The following DGKE variants were observed in gnomAD, a reference collection of about 807,000 sequenced individuals.
DGKE encodes DAG kinase epsilon.
In DGKE, 53 loss-of-function variants were observed where a neutral mutation model predicts 70.0. The observed-to-expected ratio is 0.76, with a 90% CI of 0.61 to 0.95. The LOEUF is 0.95. DGKE is among the 40% of genes least tolerant of loss of function. DGKE has a pLI of 0.00. For synonymous variants in DGKE, 291 were observed against 257.0 expected (o/e 1.13, Z -1.27); for missense variants, 655 against 706.9 (o/e 0.93, Z 0.83).
intron 7 of DGKE, among the ~76,000 whole-genome samples, chr17:56,853,202 G>A (rs186376954): frequency 3.9e-5 from 6 of 152,182 alleles, no homozygotes; most frequent in Non-Finnish European, 5.9e-5. Flanking sequence ...GTTCCTTATC[G>A]AGTGTATAAT....
chr17:56,844,896 A>G (rs1201331378), intron 3 of DGKE, among the ~76,000 whole-genome samples: 2 of 152,166 alleles, frequency 1.3e-5, no homozygotes, highest in East Asian at 1.9e-4. Context: ...AAATAATTGA[A>G]CTATTTTATT....
At chr17:56,860,720 A>C (rs1202001618) in intron 9 of DGKE, among the ~76,000 whole-genome samples, 1 of 152,200 alleles carries the variant, frequency 6.6e-6, no homozygotes, top group Non-Finnish European at 1.5e-5. Context: ...AATAAGTAAG[A>C]GTTAGCTAAG....
chr17:56,861,233 C>G (rs1412509807), intron 9 of DGKE, among the ~76,000 whole-genome samples: 1 of 151,066 alleles, frequency 6.6e-6, no homozygotes, highest in East Asian at 2.0e-4. Context: ...CCTACTTAAC[C>G]AGGAAAGAGT....
chr17:56,845,618 T>C, intron 3 of DGKE, 72 bp from the exon 4 acceptor site: 1 of 1,480,196 alleles, frequency 6.8e-7, no homozygotes. Context: ...GCACCATTGT[T>C]CTCAAGGCAT....
chr17:56,841,388 A>G (rs529630722), intron 2 of DGKE, among the ~76,000 whole-genome samples: 1 of 152,322 alleles, frequency 6.6e-6, no homozygotes, highest in South Asian at 2.1e-4. Context: ...GCATGTTTGC[A>G]ATAAATATGC....
chr17:56,857,888 C>T (rs575790130), intron 8 of DGKE, among the ~76,000 whole-genome samples: 2 of 151,960 alleles, frequency 1.3e-5, no homozygotes, highest in Non-Finnish European at 2.9e-5. Flanking sequence ...TCCTGGCCAA[C>T]ATGGTGAAAC....
In DGKE at chr17:56,847,994, C is replaced by A. The variant is rs750391888; in HGVS notation, c.817C>A (p.Arg273=). 2 of 1,609,226 alleles carry A rather than the reference C, an allele frequency of 1.2e-6. No individual in the cohort carries two copies. Among genetic ancestry groups the A allele is most frequent in the African/African-American group, 2.7e-5 (2 of 74,696 alleles). The change falls in exon 5 of 12, where the codon CGA becomes AGA. Residue 273 remains arginine (R), a synonymous_variant. Transcript: ENST00000284061. ...LCTLLPYYSA[R]VLVCGGDGTV... is the part of the protein sequence containing the mutation. ...TACTCTTCTCCCATATTATTCAGCT[C>A]GAGTACTTGTTTGTGGAGGGGATGG...
At chr17:56,843,455 T>G (rs993202249) in intron 2 of DGKE, among the ~76,000 whole-genome samples, 4 of 152,126 alleles carry the variant, frequency 2.6e-5, no homozygotes, top group African/African-American at 9.7e-5. Context: ...ATTATTAAAA[T>G]TTTAACCTCA....
intron 7 of DGKE, among the ~76,000 whole-genome samples, chr17:56,850,119 C>CT (rs904906788): frequency 1.6e-3 from 229 of 143,382 alleles, no homozygotes; most frequent in Middle Eastern, 3.7e-3. Flanking sequence ...TACATCTTTT[C>CT]TTTTTTTTTT....
intron 9 of DGKE, among the ~76,000 whole-genome samples, chr17:56,859,332 AC>A (rs1908146316): frequency 6.6e-6 from 1 of 151,970 alleles, no homozygotes. Context: ...CTCAAAAAAA[AC>A]TAATAAAAAA....
chr17:56,862,519 A>G, intron 11 of DGKE, 93 bp from the exon 12 acceptor site: 1 of 1,143,508 alleles, frequency 8.7e-7, no homozygotes, highest in Non-Finnish European at 1.2e-6. Flanking sequence ...TGAAATGCAT[A>G]AGGGTTAAGG....
chr17:56,835,637 C>A, intron 2 of DGKE: 1 of 319,782 alleles, frequency 3.1e-6, no homozygotes, highest in Non-Finnish European at 5.7e-6. Flanking sequence ...CTTTTCCCTT[C>A]AGCCGCAAAA....
rs1022373535 is a variant in DGKE at position 56,865,482 on chromosome 17, T to C, written c.*2691T>C. On this transcript the variant is annotated 3_prime_UTR_variant, in exon 12 of 12. Transcript: ENST00000284061. ...GATGATAATTTTCAGTGTTTCGTCA[T>C]GTTTAATAGAAATCAAACTGACTTG... 6.6e-6 allele frequency: 1 copy of C among 152,196 alleles called. No homozygotes were observed. The allele number at this position is 152,196 out of a possible 1,614,324, so 9.4% of individuals were successfully genotyped here.
intron 11 of DGKE, 180 bp from the exon 12 acceptor site, chr17:56,862,432 G>T: frequency 1.2e-6 from 1 of 845,440 alleles, no homozygotes; most frequent in Non-Finnish European, 1.8e-6. Flanking sequence ...CAAGATCCAT[G>T]AGATAAAACG....
Position 56,864,587 on chromosome 17 carries a change from GT to G in DGKE, c.*1800del, listed in dbSNP as rs1567826703. On this transcript the variant is annotated 3_prime_UTR_variant, in exon 12 of 12. Transcript: ENST00000284061. ...TAACCATGGCAGTGAGGATGGCAGA[GT>G]TTTGTTTTTTTTTTTTTTAATGGGC... is the stretch of plus-strand genomic sequence containing the variant. 1 of 80,724 alleles carries G rather than the reference GT, an allele frequency of 1.2e-5. No homozygotes were observed. Among genetic ancestry groups the G allele is most frequent in the Non-Finnish European group, 2.7e-5 (1 of 37,194 alleles). The allele number at this position is 80,724 out of a possible 1,614,324, so 5.0% of individuals were successfully genotyped here.
chr17:56,844,948 A>G (rs1480171575), intron 3 of DGKE, among the ~76,000 whole-genome samples: 1 of 152,152 alleles, frequency 6.6e-6, no homozygotes, highest in Non-Finnish European at 1.5e-5. Flanking sequence ...TATGACTTAC[A>G]TGCCACCTTT....
At chr17:56,835,398 C>G (rs960259165) in intron 2 of DGKE, 139 bp downstream of exon 2, 1 of 927,408 alleles carries the variant, frequency 1.1e-6, no homozygotes, top group Non-Finnish European at 1.6e-6. Context: ...ATAAACATCC[C>G]TGAGTTTGTG....
intron 2 of DGKE, chr17:56,838,638 T>C (rs1403805261): frequency 6.6e-6 from 1 of 151,828 alleles, no homozygotes; most frequent in Non-Finnish European, 1.5e-5. Context: ...AGAGAGCTAT[T>C]GTGACCAGGT....
intron 11 of DGKE, 170 bp from the exon 12 acceptor site, chr17:56,862,442 G>A (rs1041053025): frequency 2.1e-5 from 18 of 854,058 alleles, no homozygotes; most frequent in Non-Finnish European, 2.9e-5. Context: ...GAGATAAAAC[G>A]TTCACTTGAA....
Sources: allele counts gnomAD v4.1 joint callset (sites outside exome capture counted in the v4.1 genomes callset), GRCh38; gene constraint gnomAD v4.1.1; transcripts MANE v1.5; gene names NCBI Gene and HGNC (gene_info 2026-07-23, HGNC 2026-07-21).